CHMP3: variants seen among roughly 807,000 people sequenced by gnomAD.
The protein encoded by CHMP3 is charged multivesicular body protein 3.
Under a neutral mutation model 27.4 loss-of-function variants are expected in CHMP3, and 8 were observed. The ratio of observed to expected loss-of-function variants is 0.29; its 90% CI spans 0.17 to 0.53. The LOEUF (loss-of-function observed/expected upper bound fraction) is 0.53, where lower values mean the gene tolerates loss of function less well. Among genes scored for constraint, CHMP3 ranks in the 20% least tolerant of loss-of-function variants. The pLI is 0.96. For missense variants in CHMP3, 208 were observed against 271.5 expected (o/e 0.77, Z 1.64); for synonymous variants, 86 against 85.5 (o/e 1.01, Z -0.03).
intron 1 of CHMP3, among the ~76,000 whole-genome samples, chr2:86,544,015 T>TA (rs1676461216): frequency 6.6e-6 from 1 of 152,252 alleles, no homozygotes; most frequent in African/African-American, 2.4e-5. Flanking sequence ...TTCCTGTCTC[T>TA]ATGGGATTGC....
At chr2:86,526,988 T>A (rs893658570) in intron 3 of CHMP3, 1 of 152,172 alleles carries the variant, frequency 6.6e-6, no homozygotes, top group African/African-American at 2.4e-5. Flanking sequence ...AGTGGCTTTC[T>A]CTGGAGAGGT....
At chr2:86,518,569 G>T (rs1419228027) in intron 3 of CHMP3, among the ~76,000 whole-genome samples, 1 of 152,086 alleles carries the variant, frequency 6.6e-6, no homozygotes, top group Non-Finnish European at 1.5e-5. Context: ...CATAAATGTG[G>T]GCTGGAGTAT....
chr2:86,546,438 C>CTTT (rs201399690), intron 1 of CHMP3, among the ~76,000 whole-genome samples: 1 of 136,024 alleles, frequency 7.4e-6, no homozygotes, highest in Non-Finnish European at 1.6e-5. Flanking sequence ...TGAAGTTGGA[C>CTTT]TTTTTTTTTT....
intron 2 of CHMP3, among the ~76,000 whole-genome samples, chr2:86,532,906 TTGTC>T (rs946291860): frequency 6.6e-6 from 1 of 152,248 alleles, no homozygotes; most frequent in Non-Finnish European, 1.5e-5. Flanking sequence ...TGCAGCATCT[TTGTC>T]TGATATGATA....
At chr2:86,552,100 T>C (rs1335400188) in intron 1 of CHMP3, among the ~76,000 whole-genome samples, 2 of 152,194 alleles carry the variant, frequency 1.3e-5, no homozygotes, top group East Asian at 1.9e-4. Flanking sequence ...TAAAAGCAGA[T>C]AGGAACTGGC....
chr2:86,545,912 C>T lies in CHMP3; in HGVS notation c.46-3600G>A, dbSNP rs181437604. Among the ~76,000 whole-genome samples, 181 of 152,186 alleles carry T rather than the reference C, an allele frequency of 1.2e-3. 2 individuals are homozygous for T. The highest frequency in any genetic ancestry group is 4.3e-3 in the African/African-American group (177 of 41,524). ...CCGGGCAGAGCGGCTCCTCACATCC[C>T]AGAGGATGGGCGGCCAGGCAGAGAC... On this transcript the variant is annotated intron_variant, in intron 1 of 5. Transcript: ENST00000263856.
At chr2:86,541,694 T>C (rs1450529564) in intron 2 of CHMP3, among the ~76,000 whole-genome samples, 1 of 152,190 alleles carries the variant, frequency 6.6e-6, no homozygotes, top group Non-Finnish European at 1.5e-5. Flanking sequence ...TTATTTACGA[T>C]GAGAATGCAA....
chr2:86,520,872 T>C (rs932573003), intron 3 of CHMP3, among the ~76,000 whole-genome samples: 2 of 152,160 alleles, frequency 1.3e-5, no homozygotes, highest in Non-Finnish European at 2.9e-5. Flanking sequence ...AGCCAAGCCA[T>C]CGCATCCCCT....
At position 86,510,484 on chromosome 2, in the gene CHMP3, AAG is replaced by A. The variant is rs1241750985; in HGVS notation, c.287-7_287-6del. Reference sequence around the variant, plus strand: ...AACCAGCCACTCGCAAGACCGCTGAAAGAGAATGTGTACAGTCAGGATTGTTC... The same window carrying A: ...AACCAGCCACTCGCAAGACCGCTGAAAGAATGTGTACAGTCAGGATTGTTC... On this transcript the variant is annotated splice_polypyrimidine_tract_variant and splice_region_variant and intron_variant, in intron 3 of 5. Transcript: ENST00000263856. 1.2e-6 allele frequency: 2 copies of A among 1,611,382 alleles called. No homozygotes were observed. Among genetic ancestry groups the A allele is most frequent in the Non-Finnish European group, 1.7e-6 (2 of 1,179,994 alleles).
chr2:86,518,913 T>C (rs1209051990), intron 3 of CHMP3, among the ~76,000 whole-genome samples: 5 of 152,212 alleles, frequency 3.3e-5, no homozygotes, highest in Admixed American at 3.3e-4. Context: ...AAAGCAACAC[T>C]GTTTCACTGG....
At chr2:86,515,675 A>G (rs1675273985) in intron 3 of CHMP3, among the ~76,000 whole-genome samples, 1 of 152,162 alleles carries the variant, frequency 6.6e-6, no homozygotes, top group South Asian at 2.1e-4. Flanking sequence ...AGTGCCTAGC[A>G]CTGTGCCTGA....
intron 2 of CHMP3, 128 bp downstream of exon 2, chr2:86,542,123 CA>C: frequency 1.1e-6 from 1 of 928,868 alleles, no homozygotes; most frequent in Non-Finnish European, 1.6e-6. Context: ...CAAAATCAGT[CA>C]GACAGCTATA....
At chr2:86,527,488 T>C (rs1006967070) in intron 3 of CHMP3, among the ~76,000 whole-genome samples, 1 of 152,150 alleles carries the variant, frequency 6.6e-6, no homozygotes, top group East Asian at 1.9e-4. Flanking sequence ...TGAGAATCAA[T>C]CTGAATTTTT....
At chr2:86,557,709 C>T (rs945504350) in intron 1 of CHMP3, among the ~76,000 whole-genome samples, 3 of 152,090 alleles carry the variant, frequency 2.0e-5, no homozygotes, top group Non-Finnish European at 2.9e-5. Context: ...CTATATCTAC[C>T]GTCCACCTGG....
Position 86,505,863 on chromosome 2 carries a change from C to T in CHMP3, c.610G>A (p.Glu204Lys), listed in dbSNP as rs776553670. 2 of 1,604,816 alleles carry T rather than the reference C, an allele frequency of 1.2e-6. No individual in the cohort carries two copies. Among genetic ancestry groups the T allele is most frequent in the South Asian group, 1.1e-5 (1 of 89,332 alleles). ...PGAMAASEDE[E>K]EEEEALEAMQ... ...GCCTCCAGAGCCTCTTCCTCCTCCTCCTCATCCTCTGAGGCAGCCATCGCT... is the reference window on the plus strand; with the variant it reads ...GCCTCCAGAGCCTCTTCCTCCTCCTTCTCATCCTCTGAGGCAGCCATCGCT... The change falls in exon 6 of 6, where the codon GAG becomes AAG. Residue 204 changes from glutamate (E) to lysine (K), a missense_variant. This residue lies in a region of CHMP3 where 62 missense variants were observed against 68.4 expected (regional missense o/e 0.91). Transcript: ENST00000263856.
chr2:86,552,128 G>A (rs1676927772), intron 1 of CHMP3, among the ~76,000 whole-genome samples: 1 of 152,294 alleles, frequency 6.6e-6, no homozygotes, highest in African/African-American at 2.4e-5. Flanking sequence ...AGCTCCCACT[G>A]ACCAAATGTA....
At chr2:86,531,562 T>TG (rs1675921446) in intron 2 of CHMP3, among the ~76,000 whole-genome samples, 1 of 152,200 alleles carries the variant, frequency 6.6e-6, no homozygotes, top group South Asian at 2.1e-4. Context: ...TGTGAAGTTT[T>TG]ACTCTGTGTT....
intron 1 of CHMP3, among the ~76,000 whole-genome samples, chr2:86,555,512 T>TA (rs1553409454): frequency 6.9e-6 from 1 of 144,932 alleles, no homozygotes; most frequent in African/African-American, 2.7e-5. Flanking sequence ...AAAAAAAAAA[T>TA]AAATAAATAA....
At chr2:86,533,679 A>G (rs1438012776) in intron 2 of CHMP3, among the ~76,000 whole-genome samples, 1 of 152,050 alleles carries the variant, frequency 6.6e-6, no homozygotes, top group Non-Finnish European at 1.5e-5. Context: ...TAACTTTTGT[A>G]TTTTTGATAG....
Sources: gnomAD v4.1 joint callset for allele counts (sites outside exome capture counted in the v4.1 genomes callset) on GRCh38, gnomAD v4.1.1 for gene constraint, gnomAD v4.1.1 regional missense constraint, MANE v1.5 for transcripts, NCBI Gene and HGNC (gene_info 2026-07-23, HGNC 2026-07-21) for gene names.